Variants in CSMD1 observed in about 807,000 individuals in gnomAD.
The protein encoded by CSMD1 is CUB and Sushi multiple domains 1, also known as CUB and sushi domain-containing protein 1.
CSMD1 carries 213 observed loss-of-function variants against 417.5 expected under a neutral mutation model. That is an observed-to-expected ratio of 0.51 (90% CI 0.46 to 0.57). The LOEUF is 0.57. CSMD1 is among the 20% of genes least tolerant of loss of function. CSMD1 has a pLI of 0.00. For missense variants in CSMD1, 6,923 were observed against 4,529.7 expected (o/e 1.53, Z -15.17); for synonymous variants, 2,862 against 1,736.8 (o/e 1.65, Z -16.11).
At chr8:4,964,530 G>GAAA (rs1809724173) in intron 1 of CSMD1, among the ~76,000 whole-genome samples, 1 of 129,012 alleles carries the variant, frequency 7.8e-6, no homozygotes. Context: ...AAAAAAGGAA[G>GAAA]GAAGGAAGGA....
intron 3 of CSMD1, among the ~76,000 whole-genome samples, chr8:4,129,243 G>A (rs1010939688): frequency 7.2e-5 from 11 of 151,988 alleles, no homozygotes; most frequent in Admixed American, 4.6e-4. Context: ...CCTCTTCTGA[G>A]GATGTCTCCT....
At chr8:4,406,022 G>T (rs1383683371) in intron 3 of CSMD1, among the ~76,000 whole-genome samples, 1 of 152,176 alleles carries the variant, frequency 6.6e-6, no homozygotes, top group Admixed American at 6.5e-5. Flanking sequence ...ATTCAGACTG[G>T]CTTGTGTTAG....
At chr8:4,512,516 C>G (rs1802877119) in intron 2 of CSMD1, among the ~76,000 whole-genome samples, 1 of 152,116 alleles carries the variant, frequency 6.6e-6, no homozygotes, top group African/African-American at 2.4e-5. Context: ...ACACAACTGT[C>G]TATGTATAAC....
chr8:4,889,376 G>C (rs1166121922), intron 1 of CSMD1, among the ~76,000 whole-genome samples: 1 of 152,116 alleles, frequency 6.6e-6, no homozygotes, highest in Non-Finnish European at 1.5e-5. Context: ...AGATAAGGAA[G>C]ACTGAGAAAC....
intron 45 of CSMD1, chr8:3,106,926 C>T (rs577531892): frequency 3.5e-5 from 9 of 259,154 alleles, no homozygotes; most frequent in Middle Eastern, 1.2e-3. Context: ...TGATTGCTGA[C>T]GAAAAGAAAA....
At chr8:4,231,010 C>T (rs377719588) in intron 3 of CSMD1, among the ~76,000 whole-genome samples, 160 of 152,254 alleles carry the variant, frequency 1.1e-3, no homozygotes, top group African/African-American at 3.8e-3. Flanking sequence ...ATCACACACA[C>T]ATTCACAGAG....
At chr8:4,229,297 G>C (rs911365573) in intron 3 of CSMD1, among the ~76,000 whole-genome samples, 15 of 152,144 alleles carry the variant, frequency 9.9e-5, no homozygotes, top group African/African-American at 3.4e-4. Context: ...TCAGTGGCTT[G>C]AGCCACCATT....
chr8:3,439,634 G>C (rs536070698), intron 12 of CSMD1, among the ~76,000 whole-genome samples: 1 of 151,686 alleles, frequency 6.6e-6, no homozygotes, highest in East Asian at 1.9e-4. Flanking sequence ...ATTTTTCTCC[G>C]AGATGTTTTT....
intron 1 of CSMD1, among the ~76,000 whole-genome samples, chr8:4,769,700 T>C (rs765150228): frequency 6.6e-6 from 1 of 152,154 alleles, no homozygotes; most frequent in Non-Finnish European, 1.5e-5. Context: ...GTCAGTTGCA[T>C]AGGAGGTGGG....
intron 20 of CSMD1, among the ~76,000 whole-genome samples, chr8:3,360,420 C>CA: frequency 6.6e-6 from 1 of 152,310 alleles, no homozygotes; most frequent in Middle Eastern, 3.4e-3. Flanking sequence ...GGTCCATTAT[C>CA]AAGTCCATGG....
rs935965146 is a variant in CSMD1, at chr8:3,756,832, T to C, written c.819-2790A>G. On this transcript the variant is annotated intron_variant, in intron 5 of 69. Transcript: ENST00000635120. Reference sequence around the variant, plus strand: ...TTTTCTTGAGACAGTGTCTTGCTCTTTCACGCAGGCTGGAGTGCAGTGGTG... The same window carrying C: ...TTTTCTTGAGACAGTGTCTTGCTCTCTCACGCAGGCTGGAGTGCAGTGGTG... 2.6e-5 allele frequency among the ~76,000 whole-genome samples: 4 copies of C among 152,104 alleles called. No individual in the cohort carries two copies. The East Asian group carries it at 7.7e-4, about 29-fold the overall frequency.
chr8:3,240,350 T>A (rs879452701), intron 26 of CSMD1, among the ~76,000 whole-genome samples: 3 of 151,880 alleles, frequency 2.0e-5, no homozygotes. Context: ...TTTTGTGAGT[T>A]TATATAATGG....
intron 5 of CSMD1, among the ~76,000 whole-genome samples, chr8:3,924,505 C>G (rs1387497749): frequency 1.3e-5 from 2 of 152,242 alleles, no homozygotes; most frequent in Admixed American, 6.5e-5. Flanking sequence ...TATTGATTCA[C>G]TTGATGGTTT....
At chr8:3,577,282 T>C (rs546832928) in intron 9 of CSMD1, among the ~76,000 whole-genome samples, 3 of 152,298 alleles carry the variant, frequency 2.0e-5, no homozygotes, top group East Asian at 3.9e-4. Flanking sequence ...AAAATATGCA[T>C]AGGAAGCCAG....
intron 3 of CSMD1, among the ~76,000 whole-genome samples, chr8:4,353,419 T>C (rs915616419): frequency 6.6e-6 from 1 of 152,158 alleles, no homozygotes; most frequent in African/African-American, 2.4e-5. Context: ...CTCTTTCCTT[T>C]ATAAATTACC....
chr8:3,772,883 T>C (rs1038913157), intron 5 of CSMD1, among the ~76,000 whole-genome samples: 1 of 151,838 alleles, frequency 6.6e-6, no homozygotes, highest in Non-Finnish European at 1.5e-5. Context: ...AGGGTGACAA[T>C]GAAAATATCA....
intron 5 of CSMD1, among the ~76,000 whole-genome samples, chr8:3,793,647 GGAT>G (rs1267533984): frequency 6.6e-6 from 1 of 152,010 alleles, no homozygotes; most frequent in Admixed American, 6.6e-5. Context: ...TCAATTGCTT[GGAT>G]GATCTCTCAG....
chr8:4,441,953 C>G (rs1211893206), intron 2 of CSMD1, among the ~76,000 whole-genome samples: 2 of 152,168 alleles, frequency 1.3e-5, no homozygotes, highest in African/African-American at 4.8e-5. Context: ...TACTGAGAAA[C>G]TCAGGGGCCA....
At chr8:4,434,354 A>C (rs1261291649) in intron 2 of CSMD1, among the ~76,000 whole-genome samples, 1 of 152,170 alleles carries the variant, frequency 6.6e-6, no homozygotes, top group Non-Finnish European at 1.5e-5. Context: ...CAACAGCATG[A>C]GACTGTCTCT....
Sources: gnomAD v4.1 joint callset for allele counts (sites outside exome capture counted in the v4.1 genomes callset) on GRCh38, gnomAD v4.1.1 for gene constraint, MANE v1.5 for transcripts, NCBI Gene and HGNC (gene_info 2026-07-23, HGNC 2026-07-21) for gene names.